PRH1: variants seen among roughly 807,000 people sequenced by gnomAD.
PRH1 encodes proline rich protein HaeIII subfamily 1, also known as salivary acidic proline-rich phosphoprotein 1/2.
In PRH1, 7 loss-of-function variants were observed where a neutral mutation model predicts 7.9. That is an observed-to-expected ratio of 0.89 (90% CI 0.50 to 1.67). PRH1 has a LOEUF of 1.67. PRH1 is among the 40% of genes most tolerant of loss of function. The pLI is 0.00. For synonymous variants in PRH1, 45 were observed against 80.8 expected (o/e 0.56, Z 2.38); for missense variants, 109 against 223.6 (o/e 0.49, Z 3.27).
intron 2 of PRH1, among the ~76,000 whole-genome samples, chr12:10,911,451 G>T (rs1949898326): frequency 6.6e-6 from 1 of 152,268 alleles, no homozygotes; most frequent in East Asian, 1.9e-4. Context: ...GAGAATAGAT[G>T]CTAGGGAGCA....
intron 2 of PRH1, among the ~76,000 whole-genome samples, chr12:10,960,272 G>C (rs758532945): frequency 6.6e-6 from 1 of 152,218 alleles, no homozygotes; most frequent in Non-Finnish European, 1.5e-5. Flanking sequence ...CACAGAAGCA[G>C]AGATAAACGA....
At chr12:11,038,472 T>C (rs774819422) in intron 1 of PRH1, among the ~76,000 whole-genome samples, 4 of 152,282 alleles carry the variant, frequency 2.6e-5, no homozygotes, top group Non-Finnish European at 5.9e-5. Context: ...TTAAAAAGAA[T>C]GTTTTTCAAA....
chr12:11,104,496 T>C (rs1289825726), intron 1 of PRH1, among the ~76,000 whole-genome samples: 2 of 152,246 alleles, frequency 1.3e-5, no homozygotes, highest in Non-Finnish European at 2.9e-5. Context: ...TTTTCTTTGT[T>C]GTATTATTCT....
intron 1 of PRH1, among the ~76,000 whole-genome samples, chr12:11,110,737 T>C (rs1246146574): frequency 1.3e-5 from 2 of 152,072 alleles, no homozygotes; most frequent in African/African-American, 4.8e-5. Flanking sequence ...ATGAAGAAAC[T>C]ACATCAACTA....
At chr12:10,948,741 T>C (rs192851187) in intron 2 of PRH1, among the ~76,000 whole-genome samples, 31 of 152,312 alleles carry the variant, frequency 2.0e-4, no homozygotes, top group African/African-American at 6.7e-4. Flanking sequence ...TCTCTGTATG[T>C]GGGTGTTTCT....
chr12:10,928,373 A>T (rs757883262), intron 2 of PRH1, among the ~76,000 whole-genome samples: 28 of 152,206 alleles, frequency 1.8e-4, no homozygotes, highest in Admixed American at 5.2e-4. Context: ...GGTATTTGTT[A>T]GAAGAAATAA....
chr12:10,935,324 A>C (rs1207669951), intron 2 of PRH1, among the ~76,000 whole-genome samples: 1 of 152,172 alleles, frequency 6.6e-6, no homozygotes, highest in Non-Finnish European at 1.5e-5. Flanking sequence ...ATATTTATTA[A>C]GCTTATCCTG....
chr12:11,054,887 C>G (rs1182885604), intron 1 of PRH1, among the ~76,000 whole-genome samples: 2 of 124,068 alleles, frequency 1.6e-5, no homozygotes, highest in African/African-American at 5.8e-5. Context: ...ACTGCAAGCT[C>G]TGCCTCACTG....
At chr12:11,113,411 A>G (rs1227741550) in intron 1 of PRH1, among the ~76,000 whole-genome samples, 1 of 152,152 alleles carries the variant, frequency 6.6e-6, no homozygotes, top group African/African-American at 2.4e-5. Flanking sequence ...ATAATGCCAC[A>G]CATCTACAAC....
chr12:11,091,115 CATATATATATAT>C lies in PRH1; in HGVS notation n.124-43939_124-43928del, dbSNP rs1555163213. ...ACACAAATACACACACACACACACA[CATATATATATAT>C]ATATATATATATATATTTTCTAGAC... On this transcript the variant is annotated intron_variant and non_coding_transcript_variant, in intron 1 of 4. Coordinates refer to the PRH1 transcript ENST00000541977. 2.4e-4 allele frequency among the ~76,000 whole-genome samples: 6 copies of C among 25,104 alleles called. 3 individuals are homozygous for C. Among genetic ancestry groups the C allele is most frequent in the East Asian group, 4.7e-3 (2 of 424 alleles). 16.5% of individuals were successfully genotyped at this position (25,104 alleles called of 152,430 possible). A position where few individuals can be genotyped will look rare whatever the true frequency, so the allele number is the denominator to read the frequency against.
chr12:11,110,725 C>A (rs1038921211), intron 1 of PRH1, among the ~76,000 whole-genome samples: 1 of 152,136 alleles, frequency 6.6e-6, no homozygotes. Flanking sequence ...ACCATTGGCA[C>A]TATGAAGAAA....
chr12:11,128,259 A>ACT (rs1440726291), intron 1 of PRH1, among the ~76,000 whole-genome samples: 3 of 152,182 alleles, frequency 2.0e-5, no homozygotes, highest in African/African-American at 7.2e-5. Context: ...ATTTTTGATT[A>ACT]CTTATTGATT....
At chr12:10,948,541 A>T (rs534541498) in intron 2 of PRH1, among the ~76,000 whole-genome samples, 1 of 152,084 alleles carries the variant, frequency 6.6e-6, no homozygotes, top group Non-Finnish European at 1.5e-5. Context: ...CATTATTGTG[A>T]TTCTTATTTT....
At chr12:10,954,304 G>T (rs1937841900) in intron 2 of PRH1, among the ~76,000 whole-genome samples, 1 of 151,788 alleles carries the variant, frequency 6.6e-6, no homozygotes, top group Non-Finnish European at 1.5e-5. Context: ...CCAACTAAAA[G>T]GCACATAGAG....
chr12:11,133,623 T>G (rs1213594603), intron 1 of PRH1: 5 of 1,614,282 alleles, frequency 3.1e-6, no homozygotes, highest in Non-Finnish European at 4.2e-6. Context: ...AGCTGCATCT[T>G]CTTGAGATGT....
chr12:11,057,054 T>C (rs182460878), intron 1 of PRH1, among the ~76,000 whole-genome samples: 488 of 152,194 alleles, frequency 3.2e-3, no homozygotes, highest in Non-Finnish European at 5.2e-3. Flanking sequence ...TTACCCAAGC[T>C]GGAGTACAGT....
chr12:11,006,666 G>A (rs889132354), intron 1 of PRH1, among the ~76,000 whole-genome samples: 2 of 152,002 alleles, frequency 1.3e-5, no homozygotes, highest in Non-Finnish European at 2.9e-5. Flanking sequence ...AAAAATGCAG[G>A]CCTAATAACA....
chr12:11,038,552 AT>A (rs1350909525), intron 1 of PRH1, among the ~76,000 whole-genome samples: 1 of 152,208 alleles, frequency 6.6e-6, no homozygotes. Context: ...CTGTATTATT[AT>A]TTATGTAGCT....
At chr12:11,117,440 T>C (rs1416994207), downstream of PRH1, among the ~76,000 whole-genome samples, 1 of 151,970 alleles carries the variant, frequency 6.6e-6, no homozygotes, top group African/African-American at 2.4e-5. Flanking sequence ...GAAAAGATAG[T>C]CCATGTTCAT....
Sources: gnomAD v4.1 joint callset for allele counts (sites outside exome capture counted in the v4.1 genomes callset) on GRCh38, gnomAD v4.1.1 for gene constraint, MANE v1.5 for transcripts, NCBI Gene and HGNC (gene_info 2026-07-23, HGNC 2026-07-21) for gene names.